The following ACOT7 variants were observed in gnomAD, a reference collection of about 807,000 sequenced individuals.
ACOT7 encodes cytosolic acyl coenzyme A thioester hydrolase.
A neutral mutation model predicts 40.2 loss-of-function variants in ACOT7; 12 were observed. The observed-to-expected ratio is 0.30, with a 90% CI of 0.19 to 0.48. ACOT7 has a LOEUF of 0.48. Ranked by LOEUF, ACOT7 falls within the 20% of genes least tolerant of loss-of-function variation. The probability of loss-of-function intolerance (pLI) is 0.99; values close to 1 mark genes in which losing one functional copy is unlikely to be tolerated. For missense variants in ACOT7, 395 were observed against 530.8 expected, an observed-to-expected ratio of 0.74 and a Z score of 2.51; for synonymous variants, 228 against 219.5, an observed-to-expected ratio of 1.04 and a Z score of -0.34.
At chr1:6,271,466 A>G (rs1327308314) in intron 8 of ACOT7, among the ~76,000 whole-genome samples, 1 of 152,136 alleles carries the variant, frequency 6.6e-6, no homozygotes, top group Non-Finnish European at 1.5e-5. Flanking sequence ...TATTGAGGAC[A>G]CTCAGCACGG....
chr1:6,280,509 C>T (rs1199915706), intron 8 of ACOT7, among the ~76,000 whole-genome samples: 6 of 152,216 alleles, frequency 3.9e-5, no homozygotes, highest in Admixed American at 2.0e-4. Flanking sequence ...TGAACGAGTG[C>T]GTGTGGCCTG....
chr1:6,318,215 C>T (rs942592179), intron 6 of ACOT7, among the ~76,000 whole-genome samples: 4 of 152,110 alleles, frequency 2.6e-5, no homozygotes, highest in African/African-American at 4.8e-5. Flanking sequence ...CCACCATGCC[C>T]GGCTTATTAT....
At chr1:6,376,659 G>A (rs974309869) in intron 1 of ACOT7, among the ~76,000 whole-genome samples, 6 of 149,254 alleles carry the variant, frequency 4.0e-5, no homozygotes, top group South Asian at 2.1e-4. Context: ...CCTGGGAGGC[G>A]GAGGTTGCAG....
Position 6,393,240 on chromosome 1 carries a change from C to T in ACOT7, c.143+17G>A. 4 of 1,274,696 alleles carry T rather than the reference C, an allele frequency of 3.1e-6. No individual in the cohort carries two copies. Among genetic ancestry groups the T allele is most frequent in the Non-Finnish European group, 3.0e-6 (3 of 1,009,730 alleles). The allele number at this position is 1,274,696 out of a possible 1,614,324, so 79.0% of individuals were successfully genotyped here. A position where few individuals can be genotyped will look rare whatever the true frequency, so the allele number is the denominator to read the frequency against. On this transcript the variant is annotated intron_variant, in intron 1 of 8. Coordinates refer to ENST00000361521, the MANE Select transcript of ACOT7 (RefSeq NM_007274.4). Reference sequence around the variant, plus strand: ...GCGCGCCTGGCCGCTGCAGGCTGCGCGCGGGCCCTCTCTTACCGGCAGATC... The same window carrying T: ...GCGCGCCTGGCCGCTGCAGGCTGCGTGCGGGCCCTCTCTTACCGGCAGATC...
At chr1:6,302,683 A>G (rs974435695) in intron 6 of ACOT7, among the ~76,000 whole-genome samples, 17 of 152,028 alleles carry the variant, frequency 1.1e-4, no homozygotes, top group African/African-American at 3.9e-4. Flanking sequence ...TTAATCAACC[A>G]CTGTTGATCA....
At chr1:6,290,644 C>T (rs957542133) in intron 7 of ACOT7, among the ~76,000 whole-genome samples, 20 of 152,238 alleles carry the variant, frequency 1.3e-4, no homozygotes, top group Non-Finnish European at 1.5e-5. Flanking sequence ...CTGCAACCCT[C>T]GGTCTATGCG....
At chr1:6,376,836 C>T (rs1429103283) in intron 1 of ACOT7, among the ~76,000 whole-genome samples, 1 of 151,440 alleles carries the variant, frequency 6.6e-6, no homozygotes, top group Non-Finnish European at 1.5e-5. Flanking sequence ...GCAGAGCGAA[C>T]ATGGCGACAG....
chr1:6,386,234 C>T (rs919469242), intron 1 of ACOT7, among the ~76,000 whole-genome samples: 3 of 152,190 alleles, frequency 2.0e-5, no homozygotes, highest in African/African-American at 7.2e-5. Flanking sequence ...CCAGGAGGGC[C>T]GAGGAAAATG....
chr1:6,379,052 C>A (rs1484515448), intron 1 of ACOT7, among the ~76,000 whole-genome samples: 1 of 151,812 alleles, frequency 6.6e-6, no homozygotes, highest in African/African-American at 2.4e-5. Context: ...CCCGCCATCA[C>A]GCCTGGCTAA....
In ACOT7 at chr1:6,393,333, G is replaced by A; in HGVS notation, c.67C>T (p.Pro23Ser). Residue 23 changes from proline to serine, a missense_variant, in exon 1 of 9, where the codon CCC (proline) becomes TCC (serine). Pro to Ser is a moderately conservative substitution (Grantham distance 74). Coordinates refer to ENST00000361521, the MANE Select transcript of ACOT7 (RefSeq NM_007274.4). ...LPDTCALLQP[P>S]AASAAAAPSM... ...GGGGCTGCGGCGGCGGATGCGGCGG[G>A]CGGCTGCAGAAGGGCGCAGGTGTCT... 7.9e-7 allele frequency: 1 copy of A among 1,262,172 alleles called. No homozygotes were observed. The highest frequency in any genetic ancestry group is 1.0e-6 in the Non-Finnish European group (1 of 1,003,870). 78.2% of individuals were successfully genotyped at this position (1,262,172 alleles called of 1,614,324 possible). A position where few individuals can be genotyped will look rare whatever the true frequency, so the allele number is the denominator to read the frequency against.
chr1:6,341,481 G>A (rs1571324538), intron 2 of ACOT7, among the ~76,000 whole-genome samples: 2 of 150,292 alleles, frequency 1.3e-5, no homozygotes, highest in African/African-American at 4.9e-5. Flanking sequence ...GGTGGCTCAC[G>A]CCTGTAATCC....
rs1431211229 is a variant in ACOT7 at position 6,338,247 on chromosome 1, G to A, written c.418+1186C>T. On this transcript the variant is annotated intron_variant, in intron 3 of 8. Coordinates refer to ENST00000361521, the MANE Select transcript of ACOT7 (RefSeq NM_007274.4). This position sits in a 1 kb window ranked among gnomAD's most constrained non-coding sequence, Gnocchi z 4.4. ...TCCCTCCTCTCCAGGAAGGGGCCAA[G>A]GCTCCACCCCCAGCACAGTCGGAGA... Among the ~76,000 whole-genome samples the A allele has an allele frequency of 6.6e-6, 1 of 152,220 alleles. No homozygotes were observed. Among genetic ancestry groups the A allele is most frequent in the African/African-American group, 2.4e-5 (1 of 41,456 alleles).
At chr1:6,382,414 A>C (rs1268453830) in intron 1 of ACOT7, among the ~76,000 whole-genome samples, 1 of 152,008 alleles carries the variant, frequency 6.6e-6, no homozygotes, top group Non-Finnish European at 1.5e-5. Flanking sequence ...AAAAACAAAA[A>C]ACAAAACAAA....
At chr1:6,329,632 C>T (rs1353623344) in intron 4 of ACOT7, among the ~76,000 whole-genome samples, 2 of 152,038 alleles carry the variant, frequency 1.3e-5, no homozygotes, top group Non-Finnish European at 2.9e-5. Context: ...AGCCTCCTCC[C>T]CAATGCTGCC....
At chr1:6,365,560 G>A (rs1321246896) in intron 1 of ACOT7, among the ~76,000 whole-genome samples, 2 of 152,050 alleles carry the variant, frequency 1.3e-5, no homozygotes, top group South Asian at 2.1e-4. Flanking sequence ...ACAAGGTCAG[G>A]AGATCGAGAC....
Position 6,281,302 on chromosome 1 carries a change from G to A in ACOT7, c.830-16C>T, listed in dbSNP as rs1216767012. ...ATGACGCAGCCTGTGGAGAAGGGAG[G>A]GCGGGGGTCAGGGCGGCCTCCACCC... is the stretch of plus-strand genomic sequence containing the variant. On this transcript the variant is annotated splice_polypyrimidine_tract_variant and intron_variant, in intron 7 of 8. Coordinates refer to ENST00000361521, the MANE Select transcript of ACOT7 (RefSeq NM_007274.4). 1.3e-6 allele frequency: 2 copies of A among 1,595,662 alleles called. No individual in the cohort carries two copies. Among genetic ancestry groups the A allele is most frequent in the Non-Finnish European group, 1.7e-6 (2 of 1,176,884 alleles).
intron 8 of ACOT7, among the ~76,000 whole-genome samples, chr1:6,277,995 G>T (rs1639245471): frequency 1.3e-5 from 2 of 149,346 alleles, no homozygotes; most frequent in Admixed American, 6.7e-5. Flanking sequence ...CACACAGCTA[G>T]TAAGTTTAGA....
chr1:6,349,350 C>G (rs1366012987), intron 2 of ACOT7, among the ~76,000 whole-genome samples: 1 of 152,222 alleles, frequency 6.6e-6, no homozygotes, highest in Non-Finnish European at 1.5e-5. Flanking sequence ...CAGGGTTGGT[C>G]AGGGCAGAGG....
intron 1 of ACOT7, among the ~76,000 whole-genome samples, chr1:6,374,001 A>G (rs561055181): frequency 6.6e-6 from 1 of 152,368 alleles, no homozygotes; most frequent in African/African-American, 2.4e-5. Context: ...CTCTGTTTAA[A>G]TAAGTATCTC....
Sources: gnomAD v4.1 joint callset for allele counts (sites outside exome capture counted in the v4.1 genomes callset) on GRCh38, gnomAD v4.1.1 for gene constraint, Gnocchi (gnomAD v3.1) non-coding constraint, MANE v1.5 for transcripts, NCBI Gene and HGNC (gene_info 2026-07-23, HGNC 2026-07-21) for gene names.